Variants in ASPRV1 observed in about 807,000 individuals in gnomAD.
The protein encoded by ASPRV1 is retroviral-like aspartic protease 1.
ASPRV1 carries 7 observed loss-of-function variants against 11.0 expected under a neutral mutation model. The ratio of observed to expected loss-of-function variants is 0.64; its 90% CI spans 0.36 to 1.20. The LOEUF (loss-of-function observed/expected upper bound fraction) is 1.20, where lower values mean the gene tolerates loss of function less well. ASPRV1 is among the 50% of genes most tolerant of loss of function. ASPRV1 has a pLI of 0.02. For missense variants in ASPRV1, 299 were observed against 320.0 expected (o/e 0.93, Z 0.50); for synonymous variants, 136 against 138.4 (o/e 0.98, Z 0.12).
the ASPRV1 span, among the ~76,000 whole-genome samples, chr2:69,973,317 A>G: frequency 2.0e-5 from 3 of 152,186 alleles, no homozygotes; most frequent in Non-Finnish European, 2.9e-5. Context: ...GTTAACTGAT[A>G]TTTTTGTTTG....
the ASPRV1 span, among the ~76,000 whole-genome samples, chr2:70,023,207 GAA>G: frequency 6.6e-6 from 1 of 152,214 alleles, no homozygotes; most frequent in Non-Finnish European, 1.5e-5. Context: ...TGTGGGAGAA[GAA>G]AGATGGGGGC....
chr2:69,997,674 T>C, the ASPRV1 span, among the ~76,000 whole-genome samples: 2 of 152,176 alleles, frequency 1.3e-5, no homozygotes, highest in Non-Finnish European at 2.9e-5. Context: ...CTTCCAGTCA[T>C]GGCCACCTCC....
chr2:69,934,778 T>C, the ASPRV1 span, among the ~76,000 whole-genome samples: 107 of 152,376 alleles, frequency 7.0e-4, no homozygotes, highest in South Asian at 1.0e-3. Flanking sequence ...TCTCATTCTT[T>C]TTGATAGCTA....
At chr2:69,958,386 C>G (rs952552504), downstream of ASPRV1, among the ~76,000 whole-genome samples, 4 of 152,178 alleles carry the variant, frequency 2.6e-5, no homozygotes, top group African/African-American at 9.7e-5. Context: ...GGGGCTCAGA[C>G]AGGCTCTCCT....
chr2:69,992,074 G>A, the ASPRV1 span, among the ~76,000 whole-genome samples: 25 of 152,260 alleles, frequency 1.6e-4, no homozygotes, highest in African/African-American at 5.8e-4. Flanking sequence ...TTCTAGGACA[G>A]AGTTGAGAGA....
At chr2:70,041,044 G>A in the ASPRV1 span, among the ~76,000 whole-genome samples, 1 of 152,198 alleles carries the variant, frequency 6.6e-6, no homozygotes, top group Non-Finnish European at 1.5e-5. Flanking sequence ...AGGCCCCAAG[G>A]GTGGGGCTTG....
At chr2:70,017,008 T>C in the ASPRV1 span, among the ~76,000 whole-genome samples, 10 of 152,198 alleles carry the variant, frequency 6.6e-5, no homozygotes, top group Admixed American at 6.5e-5. Flanking sequence ...AATTTTTTTT[T>C]TACACGGAGT....
At chr2:70,036,113 A>G in the ASPRV1 span, among the ~76,000 whole-genome samples, 1 of 151,662 alleles carries the variant, frequency 6.6e-6, no homozygotes, top group Non-Finnish European at 1.5e-5. Flanking sequence ...TTAGAGATGA[A>G]TTTTCCAAAG....
chr2:70,060,084 G>C, the ASPRV1 span: 7 of 152,290 alleles, frequency 4.6e-5, no homozygotes, highest in Non-Finnish European at 4.4e-5. Context: ...GCTAATGCCT[G>C]TAATCCCAGC....
chr2:70,040,822 A>C, the ASPRV1 span, among the ~76,000 whole-genome samples: 1 of 152,172 alleles, frequency 6.6e-6, no homozygotes, highest in Non-Finnish European at 1.5e-5. Context: ...TGACAGAGTG[A>C]GACTCCGACT....
At chr2:69,988,551 G>C in the ASPRV1 span, 16 of 336,098 alleles carry the variant, frequency 4.8e-5, no homozygotes, top group Non-Finnish European at 7.7e-5. Context: ...TTAGTGTTTA[G>C]TGGGTAGAGA....
the ASPRV1 span, among the ~76,000 whole-genome samples, chr2:70,047,786 T>C: frequency 0.15 from 23,097 of 151,938 alleles, 2,718 homozygotes; most frequent in East Asian, 0.3. Flanking sequence ...AGGCAAAACA[T>C]TAAGAAAGGC....
chr2:70,020,666 T>C, the ASPRV1 span, among the ~76,000 whole-genome samples: 2 of 152,052 alleles, frequency 1.3e-5, no homozygotes, highest in Non-Finnish European at 2.9e-5. Flanking sequence ...CATTTGAACC[T>C]GGGAGATGGA....
chr2:69,979,475 TG>T, the ASPRV1 span, among the ~76,000 whole-genome samples: 57 of 152,142 alleles, frequency 3.7e-4, 1 homozygote, highest in Non-Finnish European at 1.0e-4. Flanking sequence ...GAGGAGGAAC[TG>T]GGGAGTGGGA....
the ASPRV1 span, chr2:70,030,155 C>T: frequency 6.6e-6 from 1 of 152,190 alleles, no homozygotes; most frequent in South Asian, 2.1e-4. Context: ...GACTAGTAAA[C>T]CATTGGTAAT....
chr2:69,937,132 G>A, the ASPRV1 span: 181 of 1,464,866 alleles, frequency 1.2e-4, 1 homozygote, highest in East Asian at 3.9e-3. Context: ...AAAGGCGTCT[G>A]AGGAAGTGTG....
At chr2:69,957,280 A>C (rs887876046), downstream of ASPRV1, among the ~76,000 whole-genome samples, 7 of 152,094 alleles carry the variant, frequency 4.6e-5, no homozygotes, top group Non-Finnish European at 8.8e-5. Context: ...AAAGGTTCCT[A>C]TATATATAGA....
the ASPRV1 span, among the ~76,000 whole-genome samples, chr2:70,009,356 G>T: frequency 3.7e-5 from 5 of 136,908 alleles, no homozygotes; most frequent in Admixed American, 1.5e-4. Flanking sequence ...TAGAGATGGA[G>T]TCTTGCTCTG....
At chr2:70,075,419 C>T in the ASPRV1 span, 3 of 149,258 alleles carry the variant, frequency 2.0e-5, no homozygotes, top group Non-Finnish European at 4.4e-5. Flanking sequence ...TGCTCTACTA[C>T]TTATTAACTG....
Sources: gnomAD v4.1 joint callset for allele counts (sites outside exome capture counted in the v4.1 genomes callset) on GRCh38, gnomAD v4.1.1 for gene constraint, MANE v1.5 for transcripts, NCBI Gene and HGNC (gene_info 2026-07-23, HGNC 2026-07-21) for gene names.